The following DNAH9 variants were observed in gnomAD, a reference collection of about 807,000 sequenced individuals.
DNAH9 encodes DNAH9 variant protein.
DNAH9 carries 345 observed loss-of-function variants against 471.6 expected under a neutral mutation model. The observed-to-expected ratio is 0.73, with a 90% confidence interval of 0.67 to 0.80. DNAH9 has a LOEUF of 0.80. Among genes scored for constraint, DNAH9 ranks in the 30% least tolerant of loss-of-function variants. The pLI, the probability that DNAH9 is intolerant of heterozygous loss-of-function variation, is 0.00. For missense variants in DNAH9, 5,407 were observed against 5,609.2 expected (o/e 0.96, Z 1.15); for synonymous variants, 2,093 against 2,123.6 (o/e 0.99, Z 0.40).
intron 57 of DNAH9, 127 bp downstream of exon 57, chr17:11,887,092 G>A: frequency 7.8e-7 from 1 of 1,276,262 alleles, no homozygotes; most frequent in South Asian, 1.7e-5. Context: ...TCAAAGCCAG[G>A]AGAGGAGCTA....
At chr17:11,774,153 G>A (rs1315338323) in intron 38 of DNAH9, among the ~76,000 whole-genome samples, 1 of 151,844 alleles carries the variant, frequency 6.6e-6, no homozygotes, top group Non-Finnish European at 1.5e-5. Flanking sequence ...AAATAAAATA[G>A]AATTAAAAAC....
At chr17:11,770,052 C>T (rs905963214) in intron 38 of DNAH9, among the ~76,000 whole-genome samples, 5 of 152,164 alleles carry the variant, frequency 3.3e-5, no homozygotes, top group East Asian at 1.9e-4. Flanking sequence ...TCCCAAACAC[C>T]GACAGCCTTG....
In DNAH9 at chr17:11,690,279, A is replaced by T. The variant is rs746154735; in HGVS notation, c.4457A>T (p.Lys1486Met). The change falls in exon 20 of 69, where the codon AAG (lysine) becomes ATG (methionine). Residue 1486 changes from lysine to methionine, a missense_variant. Lys to Met is a moderately conservative substitution (Grantham distance 95). This residue lies in a region of DNAH9 where 4,636 missense variants were observed against 4,900.3 expected (regional missense o/e 0.95). Transcript: ENST00000262442. The stretch of plus-strand genomic sequence containing the variant: ...CAACTTCAGAACCTGGTGATGTCCA[A>T]GTATGTTGCTTTCTTCTTGGAGGAG... Reference protein sequence around the residue: ...QVQLQNLVMSKYVAFFLEEVS... With the variant: ...QVQLQNLVMSMYVAFFLEEVS... 6.2e-7 allele frequency: 1 copy of T among 1,614,204 alleles called. No homozygotes were observed. The highest frequency in any genetic ancestry group is 8.5e-7 in the Non-Finnish European group (1 of 1,180,036).
At chr17:11,748,747 A>T (rs1967011144) in intron 32 of DNAH9, among the ~76,000 whole-genome samples, 1 of 152,148 alleles carries the variant, frequency 6.6e-6, no homozygotes. Flanking sequence ...AGGACAGCAG[A>T]AAAGAAAGTT....
intron 17 of DNAH9, among the ~76,000 whole-genome samples, chr17:11,677,885 T>C (rs1470943718): frequency 6.6e-6 from 1 of 152,080 alleles, no homozygotes; most frequent in Non-Finnish European, 1.5e-5. Flanking sequence ...ATTTTTAGTC[T>C]CTTCACAATG....
At chr17:11,944,737 T>G (rs1349765691) in intron 67 of DNAH9, among the ~76,000 whole-genome samples, 1 of 152,176 alleles carries the variant, frequency 6.6e-6, no homozygotes, top group Non-Finnish European at 1.5e-5. Context: ...TTTTATCACA[T>G]GTTCCCATCT....
chr17:11,826,914 T>C (rs1322293535), intron 48 of DNAH9, among the ~76,000 whole-genome samples: 2 of 136,624 alleles, frequency 1.5e-5, no homozygotes, highest in Non-Finnish European at 3.1e-5. Flanking sequence ...AACCTCCACC[T>C]CCCAGGTTCA....
chr17:11,681,982 G>A (rs912386600), intron 19 of DNAH9, among the ~76,000 whole-genome samples: 2 of 152,104 alleles, frequency 1.3e-5, no homozygotes, highest in Admixed American at 6.5e-5. Flanking sequence ...GTTGTGGGTT[G>A]AATTAAAGAG....
At chr17:11,950,895 A>G (rs2151440264) in intron 67 of DNAH9, among the ~76,000 whole-genome samples, 1 of 152,246 alleles carries the variant, frequency 6.6e-6, no homozygotes, top group East Asian at 1.9e-4. Flanking sequence ...CTCAAAGCAC[A>G]TCCCAAACGA....
chr17:11,734,397 G>C (rs1331120382), intron 28 of DNAH9, among the ~76,000 whole-genome samples: 1 of 152,218 alleles, frequency 6.6e-6, no homozygotes, highest in South Asian at 2.1e-4. Flanking sequence ...TGCGGAATAG[G>C]ACCAGTGTAT....
intron 19 of DNAH9, among the ~76,000 whole-genome samples, chr17:11,682,845 A>T (rs6502164): frequency 2.6e-5 from 4 of 152,144 alleles, no homozygotes; most frequent in South Asian, 2.1e-4. Context: ...AGCAATCATG[A>T]GGAGGAATGT....
chr17:11,865,217 G>A (rs1417145424), intron 50 of DNAH9, among the ~76,000 whole-genome samples: 3 of 152,134 alleles, frequency 2.0e-5, no homozygotes, highest in Admixed American at 2.0e-4. Context: ...GGGCAGGCCT[G>A]GTGGTGACAA....
chr17:11,944,375 C>G (rs574807221), intron 67 of DNAH9, among the ~76,000 whole-genome samples: 1 of 152,018 alleles, frequency 6.6e-6, no homozygotes, highest in Non-Finnish European at 1.5e-5. Flanking sequence ...TAAGGAAAGC[C>G]CCAGGGAAGC....
At chr17:11,691,026 C>A (rs540553686) in intron 20 of DNAH9, among the ~76,000 whole-genome samples, 2 of 152,260 alleles carry the variant, frequency 1.3e-5, no homozygotes, top group South Asian at 4.1e-4. Context: ...TCAGTGGACT[C>A]TGATTCATTT....
At chr17:11,762,770 G>GTTTTGTTTTTTTTTTTTTTTTTTTTTTTT (rs1967747335) in intron 35 of DNAH9, among the ~76,000 whole-genome samples, 3 of 90,744 alleles carry the variant, frequency 3.3e-5, no homozygotes, top group Non-Finnish European at 6.6e-5. Context: ...TTTTTTTTTT[G>GTTTTGTTTTTTTTTTTTTTTTTTTTTTTT]TTTTTTTTTT....
At chr17:11,876,706 G>GT (rs1294219847) in intron 53 of DNAH9, among the ~76,000 whole-genome samples, 3 of 151,724 alleles carry the variant, frequency 2.0e-5, no homozygotes, top group Admixed American at 6.6e-5. Context: ...TTCAGGTTTT[G>GT]TTTTTTTTGT....
At chr17:11,631,505 C>A (rs564347519) in intron 7 of DNAH9, among the ~76,000 whole-genome samples, 1 of 152,002 alleles carries the variant, frequency 6.6e-6, no homozygotes, top group East Asian at 1.9e-4. Context: ...AATAGCTGGG[C>A]GTGGTGGTGC....
At position 11,644,688 on chromosome 17, in the gene DNAH9, A is replaced by G. The variant is rs765616475; in HGVS notation, c.1959A>G (p.Ser653=). ...RMQQKYEDML[S]LLEKYETRLY... ...AACAAAAATATGAAGATATGCTGTC[A>G]TTGCTAGAAAAGTAAGCAACTTCTG... The change falls in exon 11 of 69, where the codon TCA becomes TCG. Residue 653 remains serine, a synonymous_variant. Coordinates refer to ENST00000262442, the MANE Select transcript of DNAH9 (RefSeq NM_001372.4). 1 of 1,612,340 alleles carries G rather than the reference A, an allele frequency of 6.2e-7. No individual in the cohort carries two copies. Among genetic ancestry groups the G allele is most frequent in the South Asian group, 1.1e-5 (1 of 90,928 alleles).
At chr17:11,833,555 G>A (rs12602522) in intron 48 of DNAH9, among the ~76,000 whole-genome samples, 4 of 152,104 alleles carry the variant, frequency 2.6e-5, no homozygotes, top group African/African-American at 9.6e-5. Flanking sequence ...CTTTCTCTGG[G>A]TGGTCCACAG....
Sources: allele counts gnomAD v4.1 joint callset (sites outside exome capture counted in the v4.1 genomes callset), GRCh38; gene constraint gnomAD v4.1.1; regional missense constraint gnomAD v4.1.1; transcripts MANE v1.5; gene names NCBI Gene and HGNC (gene_info 2026-07-23, HGNC 2026-07-21).